Variants in SGCZ observed in about 807,000 individuals in gnomAD.
SGCZ encodes zeta-sarcoglycan.
SGCZ carries 40 observed loss-of-function variants against 41.3 expected under a neutral mutation model. The observed-to-expected ratio is 0.97, with a 90% CI of 0.75 to 1.26. The LOEUF (loss-of-function observed/expected upper bound fraction) is 1.26, where lower values mean the gene tolerates loss of function less well. SGCZ is among the 50% of genes most tolerant of loss of function. The pLI, the probability that SGCZ is intolerant of heterozygous loss-of-function variation, is 0.00. For missense variants in SGCZ, 552 were observed against 369.8 expected, an observed-to-expected ratio of 1.49 and a Z score of -4.04; for synonymous variants, 206 against 137.5, an observed-to-expected ratio of 1.50 and a Z score of -3.49.
chr8:15,175,663 T>C (rs770525599), intron 1 of SGCZ, among the ~76,000 whole-genome samples: 71 of 152,042 alleles, frequency 4.7e-4, no homozygotes, highest in Non-Finnish European at 9.3e-4. Flanking sequence ...GTAACAAACC[T>C]GCACATCCTG....
intron 1 of SGCZ, among the ~76,000 whole-genome samples, chr8:14,977,904 CACACACAT>C (rs1377945847): frequency 9.5e-6 from 1 of 104,896 alleles, no homozygotes; most frequent in African/African-American, 3.3e-5. Flanking sequence ...CACACACACA[CACACACAT>C]ATATACACAC....
intron 1 of SGCZ, among the ~76,000 whole-genome samples, chr8:14,689,095 C>T (rs1808716029): frequency 6.6e-6 from 1 of 152,008 alleles, no homozygotes; most frequent in African/African-American, 2.4e-5. Flanking sequence ...TATGTTAGCA[C>T]TAGGAAATGG....
chr8:14,968,007 A>C (rs1486488634), intron 1 of SGCZ, among the ~76,000 whole-genome samples: 1 of 152,166 alleles, frequency 6.6e-6, no homozygotes, highest in African/African-American at 2.4e-5. Context: ...TGCAATAAAA[A>C]CATCTTGTAC....
intron 1 of SGCZ, among the ~76,000 whole-genome samples, chr8:15,027,403 A>C (rs956959405): frequency 7.6e-4 from 116 of 152,222 alleles, no homozygotes; most frequent in African/African-American, 2.7e-3. Context: ...GCTCAAATAA[A>C]AAAAGAAATA....
intron 2 of SGCZ, among the ~76,000 whole-genome samples, chr8:14,439,218 A>T (rs1800175602): frequency 6.6e-6 from 1 of 151,638 alleles, no homozygotes. Context: ...TTTTTGTAAG[A>T]TCATTAGGAC....
At chr8:14,919,180 T>C (rs900063899) in intron 1 of SGCZ, among the ~76,000 whole-genome samples, 1 of 152,238 alleles carries the variant, frequency 6.6e-6, no homozygotes, top group Non-Finnish European at 1.5e-5. Flanking sequence ...GGCTCAAGCC[T>C]GTAACCCCCG....
At chr8:14,177,905 T>C (rs1031709885) in intron 4 of SGCZ, among the ~76,000 whole-genome samples, 4 of 151,230 alleles carry the variant, frequency 2.6e-5, no homozygotes, top group Non-Finnish European at 4.4e-5. Flanking sequence ...TACTGCCAAT[T>C]CAAGGCCACT....
At chr8:14,850,414 T>C (rs1267826043) in intron 1 of SGCZ, among the ~76,000 whole-genome samples, 1 of 151,992 alleles carries the variant, frequency 6.6e-6, no homozygotes, top group Non-Finnish European at 1.5e-5. Flanking sequence ...AGACAGAAGA[T>C]GGAGAAAACA....
intron 1 of SGCZ, among the ~76,000 whole-genome samples, chr8:14,619,471 T>C (rs1585130225): frequency 1.3e-5 from 2 of 152,108 alleles, no homozygotes; most frequent in African/African-American, 2.4e-5. Flanking sequence ...AAATAAAGGG[T>C]ATTCAATTAG....
chr8:14,663,305 C>T (rs529006740), intron 1 of SGCZ, among the ~76,000 whole-genome samples: 17 of 152,088 alleles, frequency 1.1e-4, no homozygotes, highest in Non-Finnish European at 2.2e-4. Context: ...GCTCTTTTTA[C>T]GTATTTTTCT....
intron 7 of SGCZ, among the ~76,000 whole-genome samples, chr8:14,101,150 A>G (rs1802007677): frequency 6.6e-6 from 1 of 152,166 alleles, no homozygotes; most frequent in African/African-American, 2.4e-5. Flanking sequence ...ACTGCTAGAC[A>G]TTAAAAACAT....
intron 1 of SGCZ, among the ~76,000 whole-genome samples, chr8:15,041,902 C>T (rs1416415570): frequency 6.6e-6 from 1 of 152,096 alleles, no homozygotes; most frequent in African/African-American, 2.4e-5. Flanking sequence ...TAGGTCTGGT[C>T]CTGAGTCCTT....
At chr8:15,030,615 G>C (rs936364378) in intron 1 of SGCZ, among the ~76,000 whole-genome samples, 5 of 152,144 alleles carry the variant, frequency 3.3e-5, no homozygotes, top group African/African-American at 1.2e-4. Context: ...GTTAAGTGGA[G>C]TATTTGTTGA....
chr8:14,307,916 T>C (rs1405867010), intron 3 of SGCZ, among the ~76,000 whole-genome samples: 1 of 152,124 alleles, frequency 6.6e-6, no homozygotes, highest in East Asian at 1.9e-4. Flanking sequence ...AGTTTAACTC[T>C]CCAATTCCTT....
intron 1 of SGCZ, among the ~76,000 whole-genome samples, chr8:14,841,070 C>T (rs777005293): frequency 6.6e-5 from 10 of 151,698 alleles, no homozygotes; most frequent in Non-Finnish European, 1.2e-4. Flanking sequence ...AAATGGAGAA[C>T]CAAATCCATG....
chr8:14,663,787 A>G (rs1265568466), intron 1 of SGCZ, among the ~76,000 whole-genome samples: 1 of 152,180 alleles, frequency 6.6e-6, no homozygotes, highest in East Asian at 1.9e-4. Context: ...GAAAGTAGAT[A>G]CTTGATAAAT....
chr8:15,216,435 T>C (rs887317728), intron 1 of SGCZ, among the ~76,000 whole-genome samples: 3 of 151,942 alleles, frequency 2.0e-5, no homozygotes, highest in African/African-American at 7.2e-5. Flanking sequence ...TTCGCCAGGA[T>C]GGTCTCGATC....
At chr8:14,327,434 G>T (rs1225533959) in intron 2 of SGCZ, among the ~76,000 whole-genome samples, 1 of 152,176 alleles carries the variant, frequency 6.6e-6, no homozygotes, top group Non-Finnish European at 1.5e-5. Context: ...AATGCCTGCT[G>T]GGAGAAAATG....
At chr8:14,764,678 A>G (rs1390365699) in intron 1 of SGCZ, among the ~76,000 whole-genome samples, 1 of 152,192 alleles carries the variant, frequency 6.6e-6, no homozygotes, top group African/African-American at 2.4e-5. Flanking sequence ...AAAGGAGATT[A>G]AAGACAAATA....
Sources: gnomAD v4.1 joint callset for allele counts (sites outside exome capture counted in the v4.1 genomes callset) on GRCh38, gnomAD v4.1.1 for gene constraint, MANE v1.5 for transcripts, NCBI Gene and HGNC (gene_info 2026-07-23, HGNC 2026-07-21) for gene names.